ZNF69: variants seen among roughly 807,000 people sequenced by gnomAD.
ZNF69 encodes the protein ZNF3.
ZNF69 carries 47 observed loss-of-function variants against 50.9 expected under a neutral mutation model. The ratio of observed to expected loss-of-function variants is 0.92; its 90% CI spans 0.73 to 1.18. The LOEUF (loss-of-function observed/expected upper bound fraction) is 1.18, where lower values mean the gene tolerates loss of function less well. ZNF69 is among the 50% of genes most tolerant of loss of function. The pLI is 0.00. For missense variants in ZNF69, 717 were observed against 675.1 expected, an observed-to-expected ratio of 1.06 and a Z score of -0.69; for synonymous variants, 216 against 223.1, an observed-to-expected ratio of 0.97 and a Z score of 0.29.
At chr19:11,963,235 A>T in the ZNF69 span, among the ~76,000 whole-genome samples, 1 of 152,060 alleles carries the variant, frequency 6.6e-6, no homozygotes, top group Non-Finnish European at 1.5e-5. Flanking sequence ...GACTATAGGT[A>T]CACACCACCT....
chr19:11,962,550 G>T, the ZNF69 span, among the ~76,000 whole-genome samples: 1 of 151,874 alleles, frequency 6.6e-6, no homozygotes, highest in Admixed American at 6.6e-5. Flanking sequence ...TTGTACATAT[G>T]GAGTCTCACT....
chr19:11,958,149 C>T, the ZNF69 span, among the ~76,000 whole-genome samples: 2 of 152,286 alleles, frequency 1.3e-5, no homozygotes, highest in East Asian at 3.9e-4. Context: ...CTCCTTTCCA[C>T]ACCCCTTACT....
chr19:11,915,849 T>G (rs943199488), downstream of ZNF69, among the ~76,000 whole-genome samples: 6 of 152,098 alleles, frequency 3.9e-5, no homozygotes, highest in African/African-American at 1.4e-4. Context: ...GGTTGCAGTG[T>G]GCTGAGATCG....
At chr19:11,973,258 T>C in the ZNF69 span, among the ~76,000 whole-genome samples, 43 of 152,344 alleles carry the variant, frequency 2.8e-4, 1 homozygote, top group South Asian at 8.7e-3. Flanking sequence ...TCTAGAGTTT[T>C]GCATTTTCCA....
intron 1 of ZNF69, among the ~76,000 whole-genome samples, chr19:11,894,549 G>A (rs1977176895): frequency 6.6e-6 from 1 of 152,162 alleles, no homozygotes; most frequent in Non-Finnish European, 1.5e-5. Flanking sequence ...GTCCTGGGTG[G>A]TAGAATGGGG....
chr19:11,969,709 A>G, the ZNF69 span, among the ~76,000 whole-genome samples: 1 of 152,204 alleles, frequency 6.6e-6, no homozygotes, highest in African/African-American at 2.4e-5. Flanking sequence ...ACCACAGCCT[A>G]ACTCTTCAAG....
At chr19:11,922,815 G>C in the ZNF69 span, among the ~76,000 whole-genome samples, 1 of 147,900 alleles carries the variant, frequency 6.8e-6, no homozygotes, top group African/African-American at 2.5e-5. Context: ...CTTTTTATGG[G>C]TTTTTTTGTT....
chr19:11,944,977 C>G, the ZNF69 span, among the ~76,000 whole-genome samples: 1 of 152,362 alleles, frequency 6.6e-6, no homozygotes, highest in South Asian at 2.1e-4. Flanking sequence ...CTTCCATCAC[C>G]TGTCCTCCCT....
the ZNF69 span, chr19:11,965,235 C>T: frequency 6.2e-7 from 1 of 1,613,904 alleles, no homozygotes; most frequent in East Asian, 2.2e-5. Context: ...GCCGGTTGTC[C>T]CGAGACGGGG....
the ZNF69 span, among the ~76,000 whole-genome samples, chr19:11,974,198 CT>C: frequency 0.92 from 121,816 of 132,634 alleles, 55,868 homozygotes; most frequent in Middle Eastern, 0.96. Context: ...TTCTTTCTCT[CT>C]TTTTTTTTGT....
chr19:11,897,455 G>A (rs1168489362), intron 1 of ZNF69, among the ~76,000 whole-genome samples: 1 of 151,870 alleles, frequency 6.6e-6, no homozygotes, highest in Non-Finnish European at 1.5e-5. Flanking sequence ...TGTGCCTGTA[G>A]TCCCAGCTAC....
chr19:11,965,700 T>G, the ZNF69 span, among the ~76,000 whole-genome samples: 2 of 152,160 alleles, frequency 1.3e-5, no homozygotes, highest in African/African-American at 4.8e-5. Flanking sequence ...GTTTGTCAAC[T>G]GAAAAAGCCA....
the ZNF69 span, among the ~76,000 whole-genome samples, chr19:11,928,525 G>A: frequency 4.0e-5 from 6 of 151,226 alleles, no homozygotes; most frequent in Non-Finnish European, 8.8e-5. Flanking sequence ...GAGGTCAGGA[G>A]ATCGAGACCA....
the ZNF69 span, among the ~76,000 whole-genome samples, chr19:11,965,758 G>GC: frequency 2.6e-5 from 4 of 152,292 alleles, no homozygotes; most frequent in African/African-American, 9.6e-5. Flanking sequence ...AGAGACCTTG[G>GC]CAAGGGAAAC....
At chr19:11,956,584 A>C in the ZNF69 span, 1 of 398,648 alleles carries the variant, frequency 2.5e-6, no homozygotes, top group Middle Eastern at 6.3e-4. Context: ...CACCAGGCGC[A>C]GTGGCTCACA....
chr19:11,889,898 A>G (rs767626380), intron 1 of ZNF69, among the ~76,000 whole-genome samples: 2 of 152,332 alleles, frequency 1.3e-5, no homozygotes, highest in Non-Finnish European at 1.5e-5. Context: ...AGGAACCTGT[A>G]TCATGAATAA....
the ZNF69 span, chr19:11,948,276 G>A: frequency 6.2e-7 from 1 of 1,611,472 alleles, no homozygotes; most frequent in South Asian, 1.1e-5. Context: ...TGTTTTACAG[G>A]AGTCTCATAG....
chr19:11,920,173 G>A, the ZNF69 span, among the ~76,000 whole-genome samples: 1 of 150,104 alleles, frequency 6.7e-6, no homozygotes, highest in African/African-American at 2.5e-5. Flanking sequence ...GTGCAATGGC[G>A]TGATCTCAGC....
the ZNF69 span, among the ~76,000 whole-genome samples, chr19:11,922,436 C>T: frequency 6.6e-6 from 1 of 152,192 alleles, no homozygotes; most frequent in Admixed American, 6.5e-5. Context: ...TAAACAAATC[C>T]TCCTGTACTC....
Sources: gnomAD v4.1 joint callset for allele counts (sites outside exome capture counted in the v4.1 genomes callset) on GRCh38, gnomAD v4.1.1 for gene constraint, MANE v1.5 for transcripts, NCBI Gene and HGNC (gene_info 2026-07-23, HGNC 2026-07-21) for gene names.